The following ANKH variants were observed in gnomAD, a reference collection of about 807,000 sequenced individuals.
ANKH encodes the protein ANKH inorganic pyrophosphate transport regulator, also known as mineralization regulator ANKH.
ANKH carries 15 observed loss-of-function variants against 49.0 expected under a neutral mutation model. That is an observed-to-expected ratio of 0.31 (90% CI 0.20 to 0.47). The LOEUF (loss-of-function observed/expected upper bound fraction) is 0.47. Among genes scored for constraint, ANKH ranks in the 20% least tolerant of loss-of-function variants. ANKH has a pLI of 1.00. For synonymous variants in ANKH, 273 were observed against 260.0 expected (o/e 1.05, Z -0.48); for missense variants, 429 against 652.0 (o/e 0.66, Z 3.72).
intron 1 of ANKH, among the ~76,000 whole-genome samples, chr5:14,832,093 C>A (rs1741522872): frequency 6.6e-6 from 1 of 152,140 alleles, no homozygotes; most frequent in Admixed American, 6.6e-5. Context: ...TGGCAGCCCC[C>A]TTCTAAGAAA....
In ANKH at chr5:14,725,844, C is replaced by G. The variant is rs1737806522; in HGVS notation, c.1012-9009G>C. On this transcript the variant is annotated intron_variant, in intron 8 of 11. Transcript: ENST00000284268. This position sits in a 1 kb window ranked among gnomAD's most constrained non-coding sequence, Gnocchi z 4.0. ...CACTGCAATCTCCGCTTCCCGGGTT[C>G]AAGAGATTCTCCCGCCTCAGCCTCC... 1.3e-5 allele frequency among the ~76,000 whole-genome samples: 2 copies of G among 152,212 alleles called. No homozygotes were observed. The highest frequency in any genetic ancestry group is 1.3e-4 in the Admixed American group (2 of 15,286).
intron 1 of ANKH, among the ~76,000 whole-genome samples, chr5:14,812,868 A>G (rs1260983059): frequency 1.3e-5 from 2 of 152,260 alleles, no homozygotes; most frequent in Non-Finnish European, 2.9e-5. Flanking sequence ...ACAGACATTC[A>G]GTAAACCAAC....
chr5:14,712,688 C>T (rs753669390), intron 11 of ANKH, among the ~76,000 whole-genome samples, 186 bp downstream of exon 11: 1 of 152,212 alleles, frequency 6.6e-6, no homozygotes, highest in Non-Finnish European at 1.5e-5. Flanking sequence ...CTGCCTTCAG[C>T]TTTTCCCCTT....
At chr5:14,804,271 T>G (rs1033398564) in intron 1 of ANKH, among the ~76,000 whole-genome samples, 2 of 152,172 alleles carry the variant, frequency 1.3e-5, no homozygotes, top group African/African-American at 4.8e-5. Flanking sequence ...ACACAGTGAG[T>G]GCCCATCTGA....
intron 1 of ANKH, among the ~76,000 whole-genome samples, chr5:14,826,860 G>A (rs1403030505): frequency 6.6e-6 from 1 of 152,024 alleles, no homozygotes; most frequent in East Asian, 1.9e-4. Flanking sequence ...CTGCTTCCTG[G>A]GCCCCCAGCT....
chr5:14,841,692 G>C (rs1288558206), intron 1 of ANKH, among the ~76,000 whole-genome samples: 2 of 152,150 alleles, frequency 1.3e-5, no homozygotes, highest in African/African-American at 2.4e-5. Flanking sequence ...AACCCTTTCT[G>C]CCTTGCAAAA....
intron 1 of ANKH, among the ~76,000 whole-genome samples, chr5:14,786,477 G>C (rs544864907): frequency 6.6e-6 from 1 of 152,290 alleles, no homozygotes; most frequent in Admixed American, 6.5e-5. Flanking sequence ...AAAAACAAGA[G>C]AAATGTGATA....
chr5:14,755,418 A>G (rs1304315586), intron 4 of ANKH, among the ~76,000 whole-genome samples: 1 of 152,216 alleles, frequency 6.6e-6, no homozygotes, highest in African/African-American at 2.4e-5. Context: ...TGGTAACAAC[A>G]GAGGATTATA....
intron 8 of ANKH, among the ~76,000 whole-genome samples, chr5:14,738,356 C>T (rs1365437194): frequency 1.3e-5 from 2 of 152,126 alleles, no homozygotes; most frequent in South Asian, 2.1e-4. Flanking sequence ...GGACAGTATA[C>T]GTTTTCCTTT....
chr5:14,806,088 C>T (rs1350638654), intron 1 of ANKH, among the ~76,000 whole-genome samples: 2 of 152,216 alleles, frequency 1.3e-5, no homozygotes, highest in Non-Finnish European at 2.9e-5. Context: ...TCAGGTGCAA[C>T]TGTGCAAGAA....
At chr5:14,864,096 C>T (rs1171169846) in intron 1 of ANKH, among the ~76,000 whole-genome samples, 1 of 152,176 alleles carries the variant, frequency 6.6e-6, no homozygotes, top group Non-Finnish European at 1.5e-5. Flanking sequence ...TGCCTGGAAT[C>T]CCAGCTACTC....
Position 14,711,292 on chromosome 5 carries a change from C to T in ANKH, c.1384G>A (p.Glu462Lys). ...GAGTCTTCCCCCTCCGTGGCCGACT[C>T]ATTCTCCATCTTCTTTTTCTAGACC... ...YRKQKKKMENESATEGEDSAM... is the reference protein window; with the variant it reads ...YRKQKKKMENKSATEGEDSAM... Residue 462 changes from glutamate (E) to lysine (K), a missense_variant, in exon 12 of 12, where the codon GAG (glutamate) becomes AAG (lysine). Physicochemically the swap from Glu to Lys is moderately conservative, Grantham distance 56. This residue lies in a region of ANKH where 378 missense variants were observed against 615.3 expected (regional missense o/e 0.61). Transcript: ENST00000284268. The T allele has an allele frequency of 1.9e-6, 3 of 1,614,138 alleles. No individual in the cohort carries two copies. Among genetic ancestry groups the T allele is most frequent in the Middle Eastern group, 3.3e-4 (2 of 6,056 alleles).
chr5:14,826,096 T>C (rs1298725979), intron 1 of ANKH: 1 of 154,124 alleles, frequency 6.5e-6, no homozygotes, highest in Non-Finnish European at 1.5e-5. Flanking sequence ...ACGCAATGTA[T>C]GCATGGTTAA....
rs949237944 is a variant in ANKH at position 14,713,083 on chromosome 5, C to T, written c.1266-110G>A. ...GTAGCCTCGAGACGGCTGAGACCAGCGGCGTTCTCCATCTGCTGGCTTCGT... is the reference window on the plus strand; with the variant it reads ...GTAGCCTCGAGACGGCTGAGACCAGTGGCGTTCTCCATCTGCTGGCTTCGT... On this transcript the variant is annotated intron_variant, in intron 10 of 11. Transcript: ENST00000284268. This position sits in a 1 kb window ranked among gnomAD's most constrained non-coding sequence, Gnocchi z 4.4. The T allele has an allele frequency of 3.6e-5, 38 of 1,068,698 alleles. 1 individual carries two copies. The Middle Eastern group carries it at 7.8e-4, about 22-fold the overall frequency. 66.2% of individuals were successfully genotyped at this position (1,068,698 alleles called of 1,614,324 possible).
intron 1 of ANKH, among the ~76,000 whole-genome samples, chr5:14,805,615 T>C (rs1343726160): frequency 6.6e-6 from 1 of 151,782 alleles, no homozygotes; most frequent in East Asian, 2.0e-4. Context: ...AGGTATCTTT[T>C]TTATATGAAA....
intron 8 of ANKH, among the ~76,000 whole-genome samples, chr5:14,736,755 T>C (rs1738196303): frequency 6.6e-6 from 1 of 152,220 alleles, no homozygotes; most frequent in Admixed American, 6.5e-5. Context: ...GTGCTGGGTA[T>C]AGTCGTGTAG....
chr5:14,807,207 C>T (rs1249211531), intron 1 of ANKH, among the ~76,000 whole-genome samples: 1 of 151,576 alleles, frequency 6.6e-6, no homozygotes, highest in African/African-American at 2.4e-5. Context: ...CTCCACCTCC[C>T]GGGCTCAAGT....
intron 1 of ANKH, chr5:14,798,489 C>G: frequency 1.1e-6 from 1 of 897,318 alleles, no homozygotes; most frequent in Non-Finnish European, 1.6e-6. Flanking sequence ...CACGCGGTCT[C>G]TATTTTTTTT....
At chr5:14,731,461 G>A (rs1474814449) in intron 8 of ANKH, among the ~76,000 whole-genome samples, 3 of 152,040 alleles carry the variant, frequency 2.0e-5, no homozygotes, top group Admixed American at 1.3e-4. Flanking sequence ...GCCAGGGGCC[G>A]GGGGTACCTT....
Sources: allele counts gnomAD v4.1 joint callset (sites outside exome capture counted in the v4.1 genomes callset), GRCh38; gene constraint gnomAD v4.1.1; regional missense constraint gnomAD v4.1.1; non-coding constraint Gnocchi (gnomAD v3.1); transcripts MANE v1.5; gene names NCBI Gene and HGNC (gene_info 2026-07-23, HGNC 2026-07-21).